EIF3A: variants seen among roughly 807,000 people sequenced by gnomAD.
EIF3A encodes the protein eukaryotic translation initiation factor 3 subunit A.
Under a neutral mutation model 186.6 loss-of-function variants are expected in EIF3A, and 21 were observed. That is an observed-to-expected ratio of 0.11 (90% CI 0.08 to 0.16). The LOEUF is 0.16. Ranked by LOEUF, EIF3A falls within the 10% of genes least tolerant of loss-of-function variation. EIF3A has a pLI of 1.00. For synonymous variants in EIF3A, 563 were observed against 584.3 expected (o/e 0.96, Z 0.52); for missense variants, 1,306 against 1,796.3 (o/e 0.73, Z 4.93).
At chr10:119,049,315 T>C (rs1848323727) in intron 17 of EIF3A, among the ~76,000 whole-genome samples, 1 of 152,098 alleles carries the variant, frequency 6.6e-6, no homozygotes, top group African/African-American at 2.4e-5. Context: ...GTAAATTTTG[T>C]ATTTTCTACT....
At position 119,073,725 on chromosome 10, in the gene EIF3A, T is replaced by A. The variant is rs553034513; in HGVS notation, c.240+22A>T. ...TTACTAAAAACACTTGTTAAAAATA[T>A]ACAACCCAGTTCCGTTTGTACCTGT... On this transcript the variant is annotated intron_variant, in intron 2 of 21. Coordinates refer to ENST00000369144, the MANE Select transcript of EIF3A (RefSeq NM_003750.4). The A allele has an allele frequency of 2.5e-6, 4 of 1,576,498 alleles. No individual in the cohort carries two copies. In the South Asian group the frequency reaches 4.7e-5, roughly 19 times the overall value.
intron 19 of EIF3A, among the ~76,000 whole-genome samples, chr10:119,038,691 A>G (rs1848168806): frequency 6.6e-6 from 1 of 152,186 alleles, no homozygotes; most frequent in African/African-American, 2.4e-5. Context: ...TTGGAGACCG[A>G]GCCAGGTGGA....
At chr10:119,078,949 GA>G (rs969075840) in intron 1 of EIF3A, among the ~76,000 whole-genome samples, 3 of 149,688 alleles carry the variant, frequency 2.0e-5, no homozygotes, top group East Asian at 1.9e-4. Context: ...CTAGCACGGG[GA>G]AAAAAAAATA....
intron 17 of EIF3A, among the ~76,000 whole-genome samples, chr10:119,047,425 TTAAAC>T (rs1848295079): frequency 6.6e-6 from 1 of 152,152 alleles, no homozygotes; most frequent in East Asian, 1.9e-4. Context: ...TGCAAGTAAA[TTAAAC>T]TAAACTCTCC....
intron 17 of EIF3A, among the ~76,000 whole-genome samples, chr10:119,047,633 A>G (rs1355933667): frequency 6.6e-6 from 1 of 152,228 alleles, no homozygotes; most frequent in Non-Finnish European, 1.5e-5. Context: ...GCAGATTTAA[A>G]CAAAACAGCG....
Position 119,060,863 on chromosome 10 carries a change from T to C in EIF3A, c.1228-19A>G. On this transcript the variant is annotated intron_variant, in intron 8 of 21. Transcript: ENST00000369144. ...TTAGAACCTATAAAATCCATTAAAT[T>C]GAAAGAGAATCACACTTTCTACATA... The C allele has an allele frequency of 6.6e-7, 1 of 1,522,684 alleles. No individual in the cohort carries two copies. Among genetic ancestry groups the C allele is most frequent in the Non-Finnish European group, 9.0e-7 (1 of 1,115,494 alleles). 94.3% of individuals were successfully genotyped at this position (1,522,684 alleles called of 1,614,324 possible).
Position 119,080,620 on chromosome 10 carries a change from C to G in EIF3A, c.49+8G>C. Reference sequence around the variant, plus strand: ...CCCCAGCCCGGCGCGCCCCGATCAGCTACTCACCGTTGGCGCGTTTGAGGG... The same window carrying G: ...CCCCAGCCCGGCGCGCCCCGATCAGGTACTCACCGTTGGCGCGTTTGAGGG... On this transcript the variant is annotated splice_region_variant and intron_variant, in intron 1 of 21. Coordinates refer to ENST00000369144, the MANE Select transcript of EIF3A (RefSeq NM_003750.4). The G allele has an allele frequency of 6.3e-7, 1 of 1,586,332 alleles. No homozygotes were observed. Among genetic ancestry groups the G allele is most frequent in the Non-Finnish European group, 8.6e-7 (1 of 1,168,398 alleles).
intron 14 of EIF3A, 152 bp from the exon 15 acceptor site, chr10:119,051,473 A>G: frequency 4.3e-6 from 3 of 696,690 alleles, no homozygotes; most frequent in Non-Finnish European, 6.6e-6. Context: ...ATCCATGTCA[A>G]TAGGTCCCCA....
At chr10:119,074,545 G>C (rs1292512850) in intron 1 of EIF3A, among the ~76,000 whole-genome samples, 1 of 151,982 alleles carries the variant, frequency 6.6e-6, no homozygotes, top group Non-Finnish European at 1.5e-5. Context: ...ATGGGAGAAA[G>C]TGGGTGTGGT....
At chr10:119,060,984 C>G in intron 8 of EIF3A, 140 bp from the exon 9 acceptor site, 1 of 654,036 alleles carries the variant, frequency 1.5e-6, no homozygotes, top group Non-Finnish European at 2.5e-6. Context: ...GCTACTGATA[C>G]TTGTTTGAAG....
chr10:119,080,754 C>A lies in EIF3A; in HGVS notation c.-78G>T. The A allele has an allele frequency of 6.5e-7, 1 of 1,535,100 alleles. No homozygotes were observed. The highest frequency in any genetic ancestry group is 1.2e-5 in the South Asian group (1 of 82,244). On this transcript the variant is annotated 5_prime_UTR_variant, in exon 1 of 22. Coordinates refer to ENST00000369144, the MANE Select transcript of EIF3A (RefSeq NM_003750.4). ...GCCGGGAGAGGAGACGAAGGGGAAC[C>A]AGCGTAAGGTCCCACGCGCCTCGCC... is the stretch of plus-strand genomic sequence containing the variant.
At chr10:119,052,231 T>TC (rs1367516067) in intron 14 of EIF3A, among the ~76,000 whole-genome samples, 1 of 152,230 alleles carries the variant, frequency 6.6e-6, no homozygotes, top group Admixed American at 6.5e-5. Flanking sequence ...TCAACAATGT[T>TC]CGTAGCATTT....
At chr10:119,066,511 A>C (rs1843982369) in intron 6 of EIF3A, among the ~76,000 whole-genome samples, 3 of 52,042 alleles carry the variant, frequency 5.8e-5, no homozygotes, top group South Asian at 9.9e-4. Flanking sequence ...CTGTCAAAAA[A>C]AAAAAAAAAA....
At chr10:119,048,778 TCTC>T in intron 17 of EIF3A, among the ~76,000 whole-genome samples, 1 of 151,916 alleles carries the variant, frequency 6.6e-6, no homozygotes, top group East Asian at 1.9e-4. Flanking sequence ...TTCAAGCAAT[TCTC>T]CTCCCTCAGC....
At chr10:119,072,249 A>C (rs1844088236) in intron 4 of EIF3A, among the ~76,000 whole-genome samples, 1 of 151,468 alleles carries the variant, frequency 6.6e-6, no homozygotes, top group Non-Finnish European at 1.5e-5. Context: ...TCACTAAAAA[A>C]AAAAAAAATG....
chr10:119,044,207 T>G, intron 17 of EIF3A, 65 bp from the exon 18 acceptor site: 1 of 1,024,608 alleles, frequency 9.8e-7, no homozygotes, highest in Non-Finnish European at 1.5e-6. Context: ...ACTACTGGTA[T>G]TACCATTCAA....
chr10:119,080,465 G>A (rs544272856), intron 1 of EIF3A, 163 bp downstream of exon 1: 2 of 985,414 alleles, frequency 2.0e-6, no homozygotes, highest in Admixed American at 1.2e-4. Context: ...AGAGTGAGAA[G>A]GAAACCCATG....
chr10:119,078,592 C>T (rs546394993), intron 1 of EIF3A, among the ~76,000 whole-genome samples: 2 of 152,132 alleles, frequency 1.3e-5, no homozygotes, highest in African/African-American at 4.8e-5. Context: ...CCTCACAATC[C>T]AAAGGTATGA....
At chr10:119,060,481 C>T (rs1843867595) in intron 9 of EIF3A, among the ~76,000 whole-genome samples, 1 of 152,096 alleles carries the variant, frequency 6.6e-6, no homozygotes, top group Admixed American at 6.5e-5. Context: ...AAATACACCA[C>T]AGTACCTTAA....
Sources: gnomAD v4.1 joint callset for allele counts (sites outside exome capture counted in the v4.1 genomes callset) on GRCh38, gnomAD v4.1.1 for gene constraint, MANE v1.5 for transcripts, NCBI Gene and HGNC (gene_info 2026-07-23, HGNC 2026-07-21) for gene names.